The following LRBA variants were observed in gnomAD, a reference collection of about 807,000 sequenced individuals.
LRBA encodes the protein lipopolysaccharide-responsive and beige-like anchor protein.
Under a neutral mutation model 330.0 loss-of-function variants are expected in LRBA, and 176 were observed. The observed-to-expected ratio is 0.53, with a 90% confidence interval of 0.47 to 0.60. The LOEUF (loss-of-function observed/expected upper bound fraction) is 0.60. LRBA is among the 20% of genes least tolerant of loss of function. The pLI, the probability that LRBA is intolerant of heterozygous loss-of-function variation, is 0.00. For synonymous variants in LRBA, 1,230 were observed against 1,193.0 expected, an observed-to-expected ratio of 1.03 and a Z score of -0.64; for missense variants, 3,259 against 3,444.8, an observed-to-expected ratio of 0.95 and a Z score of 1.35.
At chr4:150,827,061 A>C (rs986342172) in intron 30 of LRBA, among the ~76,000 whole-genome samples, 5 of 152,232 alleles carry the variant, frequency 3.3e-5, no homozygotes, top group African/African-American at 1.2e-4. Flanking sequence ...TGAATCTCAG[A>C]GAAATTCAAG....
chr4:150,662,345 T>C (rs944436665), intron 37 of LRBA, among the ~76,000 whole-genome samples: 1 of 152,198 alleles, frequency 6.6e-6, no homozygotes, highest in African/African-American at 2.4e-5. Flanking sequence ...AGAAGGATAT[T>C]ACATGAAACT....
At chr4:150,799,008 G>A (rs1475072984) in intron 33 of LRBA, among the ~76,000 whole-genome samples, 1 of 151,762 alleles carries the variant, frequency 6.6e-6, no homozygotes, top group Non-Finnish European at 1.5e-5. Flanking sequence ...TTTTTCTCCC[G>A]AAGAAAACTC....
intron 37 of LRBA, among the ~76,000 whole-genome samples, chr4:150,623,211 C>T (rs1224967097): frequency 6.6e-6 from 1 of 152,148 alleles, no homozygotes; most frequent in Non-Finnish European, 1.5e-5. Context: ...AACCTTGCCC[C>T]ACAAGGGCAT....
intron 41 of LRBA, among the ~76,000 whole-genome samples, 188 bp downstream of exon 41, chr4:150,490,730 A>C (rs922605323): frequency 6.6e-6 from 1 of 151,972 alleles, no homozygotes; most frequent in African/African-American, 2.4e-5. Flanking sequence ...AAGAATTACA[A>C]ATGATTCTAT....
intron 37 of LRBA, among the ~76,000 whole-genome samples, chr4:150,605,414 C>A (rs751069146): frequency 1.3e-5 from 2 of 152,138 alleles, no homozygotes; most frequent in African/African-American, 2.4e-5. Context: ...ATCTTGATAA[C>A]CTTAACAGAA....
intron 37 of LRBA, among the ~76,000 whole-genome samples, chr4:150,682,799 TATA>T (rs1295957348): frequency 6.6e-6 from 1 of 152,110 alleles, no homozygotes; most frequent in African/African-American, 2.4e-5. Flanking sequence ...GAAATTAAAA[TATA>T]ATGTTTTCTA....
intron 34 of LRBA, among the ~76,000 whole-genome samples, chr4:150,784,553 T>C (rs1738753426): frequency 4.6e-5 from 7 of 152,178 alleles, no homozygotes; most frequent in Admixed American, 4.6e-4. Context: ...CCTACGTGAA[T>C]GACATGCCTG....
intron 2 of LRBA, among the ~76,000 whole-genome samples, chr4:151,011,016 T>C (rs1342080830): frequency 6.6e-6 from 1 of 151,140 alleles, no homozygotes; most frequent in Non-Finnish European, 1.5e-5. Flanking sequence ...TGAAACCCCG[T>C]CTCTACTAAA....
At chr4:150,357,147 A>T (rs1737956084) in intron 47 of LRBA, among the ~76,000 whole-genome samples, 1 of 152,028 alleles carries the variant, frequency 6.6e-6, no homozygotes, top group Non-Finnish European at 1.5e-5. Flanking sequence ...TGGGCAGAAG[A>T]GATATTTTGA....
intron 20 of LRBA, 96 bp from the exon 21 acceptor site, chr4:150,868,401 C>T: frequency 1.3e-6 from 1 of 771,440 alleles, no homozygotes; most frequent in Non-Finnish European, 1.9e-6. Context: ...GTTTCCCTAA[C>T]ACAAATGTCT....
intron 2 of LRBA, among the ~76,000 whole-genome samples, chr4:151,006,163 G>A (rs550621387): frequency 2.0e-5 from 3 of 152,128 alleles, no homozygotes; most frequent in East Asian, 3.9e-4. Context: ...CCAATATGGC[G>A]AAACCCCGTC....
At chr4:150,324,968 GGCCACCTTATTTTGTA>G (rs1193198606) in intron 49 of LRBA, among the ~76,000 whole-genome samples, 1 of 151,908 alleles carries the variant, frequency 6.6e-6, no homozygotes, top group Non-Finnish European at 1.5e-5. Context: ...AAGGTAAAAT[GGCCACCTTATTTTGTA>G]GCTCAAGTCT....
chr4:150,751,665 A>T (rs1733572198), intron 35 of LRBA, among the ~76,000 whole-genome samples: 1 of 152,178 alleles, frequency 6.6e-6, no homozygotes, highest in Non-Finnish European at 1.5e-5. Context: ...AATGATTCAC[A>T]TATTTTAATA....
At chr4:150,488,260 G>C (rs954240282) in intron 41 of LRBA, among the ~76,000 whole-genome samples, 1 of 151,558 alleles carries the variant, frequency 6.6e-6, no homozygotes, top group African/African-American at 2.4e-5. Context: ...AGTTTATGTA[G>C]TTAAACAACT....
chr4:150,379,234 C>A (rs982219885), intron 47 of LRBA, among the ~76,000 whole-genome samples: 20 of 132,592 alleles, frequency 1.5e-4, no homozygotes, highest in African/African-American at 5.4e-4. Flanking sequence ...ACCCGGGAGG[C>A]AGAGGTTGTA....
At chr4:150,431,448 C>T (rs754730671) in intron 46 of LRBA, among the ~76,000 whole-genome samples, 4 of 152,148 alleles carry the variant, frequency 2.6e-5, no homozygotes, top group Admixed American at 6.5e-5. Flanking sequence ...CCCAAGACAG[C>T]AGCCACTAGC....
chr4:150,781,842 C>T (rs529669636), intron 34 of LRBA, among the ~76,000 whole-genome samples: 1 of 152,114 alleles, frequency 6.6e-6, no homozygotes, highest in African/African-American at 2.4e-5. Context: ...GGACCTCTAC[C>T]CTCCTTAAGT....
intron 47 of LRBA, among the ~76,000 whole-genome samples, chr4:150,389,374 TAAATAAATAC>T: frequency 6.7e-6 from 1 of 150,042 alleles, no homozygotes; most frequent in Non-Finnish European, 1.5e-5. Context: ...AATAAATAAA[TAAATAAATAC>T]TCCATAGGAG....
intron 17 of LRBA, among the ~76,000 whole-genome samples, chr4:150,885,195 A>G (rs1728814797): frequency 1.2e-5 from 1 of 84,108 alleles, no homozygotes; most frequent in African/African-American, 2.7e-5. Flanking sequence ...ATGTAACAAG[A>G]GTTCCAAAAA....
Sources: allele counts gnomAD v4.1 joint callset (sites outside exome capture counted in the v4.1 genomes callset), GRCh38; gene constraint gnomAD v4.1.1; transcripts MANE v1.5; gene names NCBI Gene and HGNC (gene_info 2026-07-23, HGNC 2026-07-21).